IGSF10: variants seen among roughly 807,000 people sequenced by gnomAD.
The protein encoded by IGSF10 is calvaria mechanical force protein 608.
In IGSF10, 126 loss-of-function variants were observed where a neutral mutation model predicts 128.2. That is an observed-to-expected ratio of 0.98 (90% CI 0.85 to 1.14). The LOEUF is 1.14. Ranked by LOEUF, IGSF10 falls within the 50% of genes most tolerant of loss-of-function variation. IGSF10 has a pLI of 0.00. For synonymous variants in IGSF10, 1,185 were observed against 1,146.2 expected (o/e 1.03, Z -0.68); for missense variants, 3,295 against 3,149.8 (o/e 1.05, Z -1.10).
the IGSF10 span, among the ~76,000 whole-genome samples, chr3:151,571,444 T>C: frequency 6.6e-6 from 1 of 152,226 alleles, no homozygotes; most frequent in Non-Finnish European, 1.5e-5. Context: ...ACATCCCTTG[T>C]AAGTTGGATT....
intron 7 of IGSF10, 110 bp from the exon 8 acceptor site, chr3:151,438,707 A>G (rs1314919099): frequency 2.8e-6 from 2 of 726,144 alleles, no homozygotes; most frequent in African/African-American, 3.6e-5. Flanking sequence ...TGACCAATGA[A>G]AATTGTGTAT....
the IGSF10 span, among the ~76,000 whole-genome samples, chr3:151,549,497 T>G: frequency 6.6e-6 from 1 of 152,236 alleles, no homozygotes; most frequent in Non-Finnish European, 1.5e-5. Context: ...CCTCAATTCC[T>G]ATGCATTTAA....
At chr3:151,504,391 A>C in the IGSF10 span, among the ~76,000 whole-genome samples, 1 of 152,208 alleles carries the variant, frequency 6.6e-6, no homozygotes, top group African/African-American at 2.4e-5. Flanking sequence ...GCAGAGAGAA[A>C]ATGAGGCAGA....
chr3:151,602,944 A>G, the IGSF10 span, among the ~76,000 whole-genome samples: 4 of 152,314 alleles, frequency 2.6e-5, no homozygotes, highest in African/African-American at 9.6e-5. Context: ...CGGTTGAAGG[A>G]CAAATCTTGT....
the IGSF10 span, among the ~76,000 whole-genome samples, chr3:151,546,279 C>T: frequency 9.9e-5 from 15 of 152,202 alleles, no homozygotes; most frequent in Admixed American, 9.8e-4. Context: ...TTATCTACAC[C>T]ACCAAGATAC....
At position 151,446,915 on chromosome 3, in the gene IGSF10, A is replaced by C; in HGVS notation, c.3066T>G (p.Ile1022Met). 6.2e-7 allele frequency: 1 copy of C among 1,614,088 alleles called. No individual in the cohort carries two copies. The highest frequency in any genetic ancestry group is 2.2e-5 in the East Asian group (1 of 44,890). ...RQRKIGGRGRIISPYRTPVLR... is the reference protein window; with the variant it reads ...RQRKIGGRGRMISPYRTPVLR... ...GAACTGGAGTTCTATATGGGCTGAT[A>C]ATCCGCCCCCTTCCGCCAATTTTCC... is the stretch of plus-strand genomic sequence containing the variant. The change falls in exon 6 of 8, where the codon ATT becomes ATG. Residue 1022 changes from isoleucine (I) to methionine (M), a missense_variant. Physicochemically the swap from Ile to Met is conservative, Grantham distance 10 (BLOSUM62 1). Coordinates refer to ENST00000282466, the MANE Select transcript of IGSF10 (RefSeq NM_178822.5).
At chr3:151,435,932 T>TAAAC (rs906724419), downstream of IGSF10, 28 of 152,288 alleles carry the variant, frequency 1.8e-4, no homozygotes, top group African/African-American at 5.3e-4. Flanking sequence ...AATTTCCTTA[T>TAAAC]AAACAGCTCC....
At chr3:151,500,965 A>C in the IGSF10 span, among the ~76,000 whole-genome samples, 6 of 151,654 alleles carry the variant, frequency 4.0e-5, no homozygotes, top group East Asian at 1.2e-3. Context: ...AGGTGCTAGA[A>C]GTCACATGAT....
the IGSF10 span, among the ~76,000 whole-genome samples, chr3:151,572,136 G>C: frequency 3.9e-5 from 6 of 152,108 alleles, no homozygotes; most frequent in Non-Finnish European, 8.8e-5. Flanking sequence ...ATTTTATTGA[G>C]GATTTTCCCA....
At position 151,449,161 on chromosome 3, in the gene IGSF10, C is replaced by G. The variant is rs762100741; in HGVS notation, c.820G>C (p.Ala274Pro). ...GGCTTGGCACACTGGAAAGCTGCAG[C>G]TGAGACCATAGCTAACGGCTTGCCT... Reference protein sequence around the residue: ...SKGKPLAMVSAAAFQCAKPTI... With the variant: ...SKGKPLAMVSPAAFQCAKPTI... Residue 274 changes from alanine (A) to proline (P), a missense_variant, in exon 6 of 8, where the codon GCT becomes CCT. Ala to Pro is a conservative substitution (Grantham distance 27). Coordinates refer to ENST00000282466, the MANE Select transcript of IGSF10 (RefSeq NM_178822.5). 6.2e-7 allele frequency: 1 copy of G among 1,614,184 alleles called. No individual in the cohort carries two copies. Among genetic ancestry groups the G allele is most frequent in the Admixed American group, 1.7e-5 (1 of 60,024 alleles).
the IGSF10 span, among the ~76,000 whole-genome samples, chr3:151,502,622 T>C: frequency 6.6e-6 from 1 of 151,952 alleles, no homozygotes; most frequent in Non-Finnish European, 1.5e-5. Context: ...TTATTATCAA[T>C]ATTATAAAAT....
At chr3:151,499,181 G>T in the IGSF10 span, among the ~76,000 whole-genome samples, 1 of 152,064 alleles carries the variant, frequency 6.6e-6, no homozygotes, top group African/African-American at 2.4e-5. Flanking sequence ...CTTGTCGAGA[G>T]CATTGGCAAC....
chr3:151,465,717 G>A (rs565705184), upstream of IGSF10, among the ~76,000 whole-genome samples: 6 of 152,254 alleles, frequency 3.9e-5, no homozygotes, highest in South Asian at 1.2e-3. Flanking sequence ...TATGACATCT[G>A]TCATACTATC....
the IGSF10 span, among the ~76,000 whole-genome samples, chr3:151,516,827 T>C: frequency 9.4e-4 from 143 of 152,234 alleles, no homozygotes; most frequent in African/African-American, 3.3e-3. Context: ...TAAAATACCA[T>C]TTTCTAATCA....
the IGSF10 span, among the ~76,000 whole-genome samples, chr3:151,501,344 C>A: frequency 6.6e-6 from 1 of 151,992 alleles, no homozygotes; most frequent in Non-Finnish European, 1.5e-5. Context: ...GTCAAACAGC[C>A]TCTCTGAATC....
the IGSF10 span, among the ~76,000 whole-genome samples, chr3:151,510,869 G>A: frequency 6.6e-6 from 1 of 152,114 alleles, no homozygotes; most frequent in African/African-American, 2.4e-5. Context: ...TATCAGTGGT[G>A]GAAGATGAAA....
At chr3:151,523,051 G>C in the IGSF10 span, among the ~76,000 whole-genome samples, 1 of 152,096 alleles carries the variant, frequency 6.6e-6, no homozygotes, top group African/African-American at 2.4e-5. Context: ...AATCAGAAAG[G>C]CAATCCCATT....
At chr3:151,467,354 T>G in the IGSF10 span, among the ~76,000 whole-genome samples, 1 of 152,212 alleles carries the variant, frequency 6.6e-6, no homozygotes, top group Non-Finnish European at 1.5e-5. Flanking sequence ...AAACTGAGCT[T>G]AAAGTTTTGT....
At chr3:151,604,337 G>A in the IGSF10 span, among the ~76,000 whole-genome samples, 1 of 151,820 alleles carries the variant, frequency 6.6e-6, no homozygotes, top group Non-Finnish European at 1.5e-5. Context: ...ATGGTAAAAT[G>A]AACATAAATA....
Sources: gnomAD v4.1 joint callset for allele counts (sites outside exome capture counted in the v4.1 genomes callset) on GRCh38, gnomAD v4.1.1 for gene constraint, MANE v1.5 for transcripts, NCBI Gene and HGNC (gene_info 2026-07-23, HGNC 2026-07-21) for gene names.